Variants in NEK1 observed in about 807,000 individuals in gnomAD.
NEK1 encodes NIMA related kinase 1, also known as serine/threonine-protein kinase Nek1.
In NEK1, 137 loss-of-function variants were observed where a neutral mutation model predicts 182.1. That is an observed-to-expected ratio of 0.75 (90% confidence interval 0.65 to 0.87). The LOEUF (loss-of-function observed/expected upper bound fraction) is 0.87. Among genes scored for constraint, NEK1 ranks in the 40% least tolerant of loss-of-function variants. NEK1 has a pLI of 0.00. For synonymous variants in NEK1, 513 were observed against 492.2 expected (o/e 1.04, Z -0.56); for missense variants, 1,391 against 1,494.4 (o/e 0.93, Z 1.14).
At chr4:169,473,090 T>C (rs866674811) in intron 26 of NEK1, among the ~76,000 whole-genome samples, 4 of 120,408 alleles carry the variant, frequency 3.3e-5, no homozygotes, top group Non-Finnish European at 6.7e-5. Flanking sequence ...GAGTCCACCA[T>C]CTCTAACAAA....
chr4:169,557,279 A>C (rs1225051237), intron 16 of NEK1, among the ~76,000 whole-genome samples: 2 of 149,610 alleles, frequency 1.3e-5, no homozygotes, highest in Non-Finnish European at 3.0e-5. Flanking sequence ...GATAAAGGCA[A>C]AGACTTAAAG....
At chr4:169,454,161 C>T (rs959224291) in intron 27 of NEK1, among the ~76,000 whole-genome samples, 2 of 152,156 alleles carry the variant, frequency 1.3e-5, no homozygotes, top group African/African-American at 4.8e-5. Context: ...CTTCCTTACA[C>T]CTTATACAAA....
At chr4:169,445,685 G>A (rs1289172144) in intron 27 of NEK1, among the ~76,000 whole-genome samples, 1 of 151,184 alleles carries the variant, frequency 6.6e-6, no homozygotes, top group Non-Finnish European at 1.5e-5. Flanking sequence ...GAAGGAAGGA[G>A]GGAGTGGGGA....
rs1338187327 is a variant in NEK1, at chr4:169,610,075, T to C, written c.-49+1945A>G. On this transcript the variant is annotated intron_variant, in intron 2 of 35. Coordinates refer to ENST00000507142, the MANE Select transcript of NEK1 (RefSeq NM_001199397.3). The stretch of plus-strand genomic sequence containing the variant: ...CTCTGTTGCCTAGGCTGGAATGCAA[T>C]GGTGCCATTTCGGCCTCCGAGGTTC... Among the ~76,000 whole-genome samples, 5 of 149,894 alleles carry C rather than the reference T, an allele frequency of 3.3e-5. No homozygotes were observed. In the East Asian group the frequency reaches 7.9e-4, roughly 24 times the overall value.
At chr4:169,571,931 TG>T (rs1561438992) in intron 12 of NEK1, among the ~76,000 whole-genome samples, 5 of 141,586 alleles carry the variant, frequency 3.5e-5, no homozygotes. Flanking sequence ...GTAGAGAAGG[TG>T]TTTCACCATG....
Position 169,484,792 on chromosome 4 carries a change from T to G in NEK1, c.2008-5258A>C, listed in dbSNP as rs561198324. On this transcript the variant is annotated intron_variant, in intron 23 of 35. Coordinates refer to ENST00000507142, the MANE Select transcript of NEK1 (RefSeq NM_001199397.3). ...TCACCAGTCCTGTGATTTTTCATTG[T>G]TTTTATCCTCTCTGAACCTCACAGT... Among the ~76,000 whole-genome samples, 7 of 152,318 alleles carry G rather than the reference T, an allele frequency of 4.6e-5. 1 individual carries two copies. The South Asian group carries it at 1.5e-3, about 32-fold the overall frequency.
intron 3 of NEK1, 25 bp downstream of exon 3, chr4:169,602,489 G>T: frequency 7.9e-7 from 1 of 1,267,676 alleles, no homozygotes; most frequent in Non-Finnish European, 1.1e-6. Context: ...CATTACTCAT[G>T]AAACCAAACT....
chr4:169,476,579 A>T (rs1447652384), intron 26 of NEK1, among the ~76,000 whole-genome samples: 3 of 152,114 alleles, frequency 2.0e-5, no homozygotes, highest in African/African-American at 7.2e-5. Context: ...TTAAAATCAG[A>T]TTTGTTGATG....
intron 19 of NEK1, among the ~76,000 whole-genome samples, chr4:169,536,254 G>A (rs113634532): frequency 0.072 from 10,505 of 146,078 alleles, 1,226 homozygotes; most frequent in African/African-American, 0.25. Context: ...CCAAGATCAC[G>A]CCACTGCACT....
In NEK1 at chr4:169,560,985, C is replaced by T. The variant is rs529381256; in HGVS notation, c.1266+495G>A. Among the ~76,000 whole-genome samples, 15 of 152,106 alleles carry T rather than the reference C, an allele frequency of 9.9e-5. No homozygotes were observed. The East Asian group carries it at 2.9e-3, about 29-fold the overall frequency. ...TATTAAGTAAAAGGAAACACAAGTG[C>T]AAAGACAAAGAGATTTGGCAAACCA... On this transcript the variant is annotated intron_variant, in intron 16 of 35. Coordinates refer to ENST00000507142, the MANE Select transcript of NEK1 (RefSeq NM_001199397.3).
intron 26 of NEK1, among the ~76,000 whole-genome samples, chr4:169,476,592 C>T (rs1325660777): frequency 6.6e-6 from 1 of 152,102 alleles, no homozygotes; most frequent in South Asian, 2.1e-4. Context: ...TGTTGATGGT[C>T]AGACTTGCCC....
intron 10 of NEK1, among the ~76,000 whole-genome samples, chr4:169,584,101 A>T (rs995400092): frequency 1.3e-5 from 2 of 152,254 alleles, no homozygotes; most frequent in Non-Finnish European, 2.9e-5. Context: ...TCAGGTGATC[A>T]AATTTTTATG....
chr4:169,432,062 A>T (rs547731170), intron 29 of NEK1, among the ~76,000 whole-genome samples: 2 of 147,958 alleles, frequency 1.4e-5, no homozygotes, highest in African/African-American at 4.9e-5. Context: ...CGACTAAATT[A>T]AAAAAAAAAG....
At chr4:169,406,899 T>C (rs1732733060) in intron 31 of NEK1, among the ~76,000 whole-genome samples, 152 bp from the exon 32 acceptor site, 1 of 151,202 alleles carries the variant, frequency 6.6e-6, no homozygotes, top group African/African-American at 2.4e-5. Context: ...ATATGTAACA[T>C]ATAAAAAATA....
At chr4:169,548,960 C>T (rs1760982114) in intron 18 of NEK1, among the ~76,000 whole-genome samples, 1 of 152,180 alleles carries the variant, frequency 6.6e-6, no homozygotes, top group Admixed American at 6.5e-5. Context: ...CCTCAGCCCC[C>T]TTTCTAGGGG....
chr4:169,457,493 C>T (rs1177379827), intron 27 of NEK1, among the ~76,000 whole-genome samples: 1 of 151,388 alleles, frequency 6.6e-6, no homozygotes, highest in Non-Finnish European at 1.5e-5. Context: ...TGGCACATGC[C>T]TATAATCCCA....
At chr4:169,438,474 G>T (rs956003470) in intron 27 of NEK1, among the ~76,000 whole-genome samples, 1 of 152,096 alleles carries the variant, frequency 6.6e-6, no homozygotes, top group Non-Finnish European at 1.5e-5. Context: ...GGTCAAAATG[G>T]TTTACCTTCT....
chr4:169,485,017 T>C (rs1748784897), intron 23 of NEK1, among the ~76,000 whole-genome samples: 1 of 152,236 alleles, frequency 6.6e-6, no homozygotes, highest in African/African-American at 2.4e-5. Context: ...AGTTTCAGAA[T>C]GCAAGTTTCT....
chr4:169,472,430 C>T (rs1179948638), intron 26 of NEK1, among the ~76,000 whole-genome samples: 2 of 152,172 alleles, frequency 1.3e-5, no homozygotes, highest in Non-Finnish European at 2.9e-5. Context: ...AGGCAACGCC[C>T]CACCCTGCTT....
Sources: allele counts gnomAD v4.1 joint callset (sites outside exome capture counted in the v4.1 genomes callset), GRCh38; gene constraint gnomAD v4.1.1; transcripts MANE v1.5; gene names NCBI Gene and HGNC (gene_info 2026-07-23, HGNC 2026-07-21).